The following MED24 variants were observed in gnomAD, a reference collection of about 807,000 sequenced individuals.
The protein encoded by MED24 is mediator complex subunit 24.
MED24 carries 74 observed loss-of-function variants against 118.8 expected under a neutral mutation model. That is an observed-to-expected ratio of 0.62 (90% CI 0.52 to 0.76). The LOEUF (loss-of-function observed/expected upper bound fraction) is 0.76. Ranked by LOEUF, MED24 falls within the 30% of genes least tolerant of loss-of-function variation. The pLI, the probability that MED24 is intolerant of heterozygous loss-of-function variation, is 0.00. For missense variants in MED24, 1,041 were observed against 1,278.9 expected, an observed-to-expected ratio of 0.81 and a Z score of 2.84; for synonymous variants, 521 against 523.9, an observed-to-expected ratio of 0.99 and a Z score of 0.08.
chr17:40,043,751 C>T (rs551011072), intron 3 of MED24, among the ~76,000 whole-genome samples: 20 of 151,738 alleles, frequency 1.3e-4, no homozygotes, highest in Non-Finnish European at 2.2e-4. Flanking sequence ...ATTAGCCAGG[C>T]GCAGTGGCGG....
chr17:40,033,478 A>G lies in MED24; in HGVS notation c.560-22T>C. 2 of 1,548,166 alleles carry G rather than the reference A, an allele frequency of 1.3e-6. No individual in the cohort carries two copies. Among genetic ancestry groups the G allele is most frequent in the East Asian group, 2.4e-5 (1 of 41,940 alleles). ...GAAGCTGGCAGAGGGAAGGAAGTAC[A>G]GAAACATGATGGGAAACAGGAGAGA... On this transcript the variant is annotated intron_variant, in intron 6 of 25. Coordinates refer to ENST00000394128, the MANE Select transcript of MED24 (RefSeq NM_014815.4). This position sits in a 1 kb window ranked among gnomAD's most constrained non-coding sequence, Gnocchi z 5.2.
rs1036961977 is a variant in MED24, at chr17:40,019,312, C to T, written c.*217G>A. 20 of 569,592 alleles carry T rather than the reference C, an allele frequency of 3.5e-5. No homozygotes were observed. The highest frequency in any genetic ancestry group is 2.8e-4 in the African/African-American group (15 of 52,892). 35.3% of individuals were successfully genotyped at this position (569,592 alleles called of 1,614,324 possible). A position where few individuals can be genotyped will look rare whatever the true frequency, so the allele number is the denominator to read the frequency against. On this transcript the variant is annotated 3_prime_UTR_variant, in exon 26 of 26. Coordinates refer to ENST00000394128, the MANE Select transcript of MED24 (RefSeq NM_014815.4). ...CTTGTGGTCCAGGCTGCTCACTCTC[C>T]TCAGGTGCCAGCAGATGGAGAGGAA...
At chr17:40,035,399 C>A in intron 5 of MED24, 50 bp from the exon 6 acceptor site, 1 of 1,511,176 alleles carries the variant, frequency 6.6e-7, no homozygotes, top group Admixed American at 2.1e-5. Context: ...TGGCTGAAAT[C>A]CGACCCACAT....
intron 3 of MED24, among the ~76,000 whole-genome samples, chr17:40,037,727 C>T (rs1568168719): frequency 6.6e-6 from 1 of 152,016 alleles, no homozygotes; most frequent in East Asian, 1.9e-4. Context: ...CTGGCTGACA[C>T]GGTGAAACCC....
At chr17:40,032,808 C>T (rs772601300) in intron 8 of MED24, 46 bp from the exon 9 acceptor site, 23 of 1,519,996 alleles carry the variant, frequency 1.5e-5, no homozygotes, top group African/African-American at 6.9e-5. Context: ...GCCCATACCC[C>T]GTCACCCTTC....
intron 21 of MED24, 44 bp from the exon 22 acceptor site, chr17:40,022,528 C>A: frequency 6.3e-7 from 1 of 1,594,516 alleles, no homozygotes; most frequent in East Asian, 2.3e-5. Context: ...AGAGGTGCCC[C>A]AGGAGCTTTC....
chr17:40,051,431 T>G (rs1478529602), intron 3 of MED24, among the ~76,000 whole-genome samples: 1 of 150,098 alleles, frequency 6.7e-6, no homozygotes, highest in Non-Finnish European at 1.5e-5. Flanking sequence ...CTGGCCAACA[T>G]GGTGAAACCC....
Position 40,035,724 on chromosome 17 carries a change from C to T in MED24, c.324G>A (p.Leu108=). 1 of 1,613,916 alleles carries T rather than the reference C, an allele frequency of 6.2e-7. No individual in the cohort carries two copies. The highest frequency in any genetic ancestry group is 8.5e-7 in the Non-Finnish European group (1 of 1,179,840). The part of the protein sequence containing the change: ...LDIMDMFCDR[L]SCHGKAEECI... ...AGCCCCCTTACCCCTGCCCTTACCT[C>T]AGACGGTCACAAAACATGTCCATGA... Residue 108 remains leucine, a splice_region_variant and synonymous_variant, in exon 5 of 26, where the codon CTG becomes CTA. Coordinates refer to ENST00000394128, the MANE Select transcript of MED24 (RefSeq NM_014815.4).
In MED24 at chr17:40,033,745, A is replaced by G. The variant is rs768552916; in HGVS notation, c.560-289T>C. On this transcript the variant is annotated intron_variant, in intron 6 of 25. Transcript: ENST00000394128. The surrounding 1 kb of genome is among the most constrained non-coding windows in gnomAD (Gnocchi z 5.2). Reference sequence around the variant, plus strand: ...GGCATCACACAGGCTCAGGAGAGAGAGGCAGAGGGAGGCCAGAATCCAGTG... The same window carrying G: ...GGCATCACACAGGCTCAGGAGAGAGGGGCAGAGGGAGGCCAGAATCCAGTG... 7.2e-6 allele frequency: 4 copies of G among 554,906 alleles called. No individual in the cohort carries two copies. Among genetic ancestry groups the G allele is most frequent in the African/African-American group, 1.9e-5 (1 of 53,448 alleles). 34.4% of individuals were successfully genotyped at this position (554,906 alleles called of 1,614,324 possible). A position where few individuals can be genotyped will look rare whatever the true frequency, so the allele number is the denominator to read the frequency against.
intron 23 of MED24, chr17:40,021,236 A>G (rs192093590): frequency 5.1e-4 from 77 of 152,466 alleles, no homozygotes; most frequent in African/African-American, 1.8e-3. Context: ...ACTCCTCACA[A>G]CACCCCATTT....
At position 40,033,267 on chromosome 17, in the gene MED24, T is replaced by C. The variant is rs1983591993; in HGVS notation, c.672-61A>G. ...GGGCCAAAGGTGAAGGCGGAGAGGA[T>C]GGCACGGGTGCCACATCTTCCTACC... On this transcript the variant is annotated intron_variant, in intron 7 of 25. Coordinates refer to ENST00000394128, the MANE Select transcript of MED24 (RefSeq NM_014815.4). The surrounding 1 kb of genome is among the most constrained non-coding windows in gnomAD (Gnocchi z 5.2). 13 of 1,612,150 alleles carry C rather than the reference T, an allele frequency of 8.1e-6. No individual in the cohort carries two copies. Among genetic ancestry groups the C allele is most frequent in the Non-Finnish European group, 1.1e-5 (13 of 1,179,624 alleles).
In MED24 at chr17:40,032,063, T is replaced by A. The variant is rs1430053518; in HGVS notation, c.964A>T (p.Lys322Ter). 1 of 1,613,836 alleles carries A rather than the reference T, an allele frequency of 6.2e-7. No homozygotes were observed. Residue 322 changes from lysine (K) to a stop codon, truncating the protein, a stop_gained, in exon 10 of 26, where the codon AAG becomes TAG. Transcript: ENST00000394128. LOFTEE classifies it high-confidence loss of function. The part of the protein sequence containing the change: ...KIPQVLVKLK[K>*]YSHGDKDFTE... Reference sequence around the variant, plus strand: ...CTCACCTTGTCTCCATGAGAGTACTTCTTCAACTTCACCAAAACCTGTGGA... The same window carrying A: ...CTCACCTTGTCTCCATGAGAGTACTACTTCAACTTCACCAAAACCTGTGGA...
chr17:40,045,373 C>T (rs1050268742), intron 3 of MED24, among the ~76,000 whole-genome samples: 5 of 151,622 alleles, frequency 3.3e-5, no homozygotes, highest in African/African-American at 1.2e-4. Context: ...CACTTGAACC[C>T]AGCGGCGGGG....
chr17:40,039,779 T>TA (rs1319441682), intron 3 of MED24, among the ~76,000 whole-genome samples: 45 of 130,602 alleles, frequency 3.4e-4, no homozygotes, highest in African/African-American at 1.2e-3. Flanking sequence ...CCACCATGCT[T>TA]AATTTTTTTT....
chr17:40,032,592 C>A (rs1983516686), intron 9 of MED24, 57 bp downstream of exon 9: 2 of 1,421,916 alleles, frequency 1.4e-6, no homozygotes, highest in Non-Finnish European at 2.0e-6. Context: ...CAGGGTGCCA[C>A]TGGTCTTGCT....
At chr17:40,027,717 G>A in intron 15 of MED24, 192 bp downstream of exon 15, 1 of 696,846 alleles carries the variant, frequency 1.4e-6, no homozygotes. Context: ...GGAGACACAG[G>A]GATGGTCTGG....
chr17:40,031,630 G>C lies in MED24; in HGVS notation c.985-10C>G. The C allele has an allele frequency of 6.2e-7, 1 of 1,612,928 alleles. No individual in the cohort carries two copies. The highest frequency in any genetic ancestry group is 1.1e-5 in the South Asian group (1 of 91,058). On this transcript the variant is annotated splice_polypyrimidine_tract_variant and intron_variant, in intron 10 of 25. Transcript: ENST00000394128. ...CATCCTCAGTGAAGTCCTAGAAAGAGGCAGAAGTGTCCATCTGGTTTCCAG... is the reference window on the plus strand; with the variant it reads ...CATCCTCAGTGAAGTCCTAGAAAGACGCAGAAGTGTCCATCTGGTTTCCAG...
In MED24 at chr17:40,022,020, T is replaced by G. The variant is rs905101767; in HGVS notation, c.2558A>C (p.Gln853Pro). 1 of 1,611,740 alleles carries G rather than the reference T, an allele frequency of 6.2e-7. No homozygotes were observed. Among genetic ancestry groups the G allele is most frequent in the Non-Finnish European group, 8.5e-7 (1 of 1,178,954 alleles). Residue 853 changes from glutamine (Q) to proline (P), a missense_variant, in exon 23 of 26, where the codon CAG becomes CCG. Around this residue, in one of 3 missense-constraint regions of MED24, gnomAD observed 587 missense variants for 694.4 expected, o/e 0.85. Coordinates refer to ENST00000394128, the MANE Select transcript of MED24 (RefSeq NM_014815.4). ...CAGCAGTCGCATCAACTTCGAAGGC[T>G]GCACATCGTCCAGGGGGAAGAGGCT... ...YISLFPLDDVQPSKLMRLLSS... is the reference protein window; with the variant it reads ...YISLFPLDDVPPSKLMRLLSS...
chr17:40,048,541 C>G (rs959128880), intron 3 of MED24, among the ~76,000 whole-genome samples: 2 of 151,832 alleles, frequency 1.3e-5, no homozygotes, highest in Admixed American at 6.6e-5. Context: ...ACAAAGAGAC[C>G]AGTTAATTTT....
Sources: allele counts gnomAD v4.1 joint callset (sites outside exome capture counted in the v4.1 genomes callset), GRCh38; gene constraint gnomAD v4.1.1; regional missense constraint gnomAD v4.1.1; non-coding constraint Gnocchi (gnomAD v3.1); transcripts MANE v1.5; gene names NCBI Gene and HGNC (gene_info 2026-07-23, HGNC 2026-07-21).